The following MAST2 variants were observed in gnomAD, a reference collection of about 807,000 sequenced individuals.
MAST2 encodes the protein microtubule associated serine/threonine kinase 2.
A neutral mutation model predicts 147.4 loss-of-function variants in MAST2; 70 were observed. The observed-to-expected ratio is 0.47, with a 90% CI of 0.39 to 0.58. MAST2 has a LOEUF of 0.58. Ranked by LOEUF, MAST2 falls within the 20% of genes least tolerant of loss-of-function variation. The probability of loss-of-function intolerance (pLI) is 0.00; values close to 1 mark genes in which losing one functional copy is unlikely to be tolerated. For missense variants in MAST2, 2,080 were observed against 2,302.3 expected (o/e 0.90, Z 1.98); for synonymous variants, 869 against 896.8 (o/e 0.97, Z 0.55).
intron 3 of MAST2, among the ~76,000 whole-genome samples, chr1:45,837,256 G>T (rs1645131110): frequency 6.6e-6 from 1 of 152,200 alleles, no homozygotes; most frequent in Admixed American, 6.5e-5. Context: ...AAGTTCGCTT[G>T]TGTCCCTTTG....
chr1:45,997,744 C>T lies in MAST2; in HGVS notation c.613C>T (p.Pro205Ser), dbSNP rs931700267. ...GHTGNSPLDSPRNFSPNAPAH... is the reference protein window; with the variant it reads ...GHTGNSPLDSSRNFSPNAPAH... ...CACAGGTAACAGTCCTTTGGACAGC[C>T]CCCGGAATTTCTCTCCAAATGCACC... Residue 205 changes from proline (P) to serine (S), a missense_variant, in exon 6 of 29, where the codon CCC becomes TCC. Around this residue, in one of 4 missense-constraint regions of MAST2, gnomAD observed 569 missense variants for 642.5 expected, o/e 0.89. Coordinates refer to ENST00000361297, the MANE Select transcript of MAST2 (RefSeq NM_015112.3). 5 of 1,613,964 alleles carry T rather than the reference C, an allele frequency of 3.1e-6. No homozygotes were observed. The African/African-American group carries it at 5.3e-5, about 17-fold the overall frequency.
At chr1:45,976,283 A>G (rs542564917) in intron 5 of MAST2, among the ~76,000 whole-genome samples, 57 of 152,062 alleles carry the variant, frequency 3.7e-4, no homozygotes, top group South Asian at 1.9e-3. Flanking sequence ...GGGGAAAACT[A>G]AATACTCTTT....
chr1:45,996,297 A>T (rs1430515470), intron 5 of MAST2, among the ~76,000 whole-genome samples: 1 of 151,974 alleles, frequency 6.6e-6, no homozygotes, highest in African/African-American at 2.4e-5. Flanking sequence ...CTGACTTTGC[A>T]TGTCAAGAAT....
In MAST2 at chr1:46,006,430, G is replaced by A. The variant is rs1225258461; in HGVS notation, c.902+35G>A. 4 of 1,590,694 alleles carry A rather than the reference G, an allele frequency of 2.5e-6. No individual in the cohort carries two copies. In the African/African-American group the frequency reaches 4.0e-5, roughly 16 times the overall value. Reference sequence around the variant, plus strand: ...CTCTCTGCCCACTGTTCCAGTGCATGTGGATTTCAGCTTGTTTGCATAACA... The same window carrying A: ...CTCTCTGCCCACTGTTCCAGTGCATATGGATTTCAGCTTGTTTGCATAACA... On this transcript the variant is annotated intron_variant, in intron 8 of 28. Coordinates refer to ENST00000361297, the MANE Select transcript of MAST2 (RefSeq NM_015112.3).
At chr1:45,907,054 GTAGGCTATACCA>G (rs1377240353) in intron 4 of MAST2, among the ~76,000 whole-genome samples, 1 of 152,156 alleles carries the variant, frequency 6.6e-6, no homozygotes, top group Non-Finnish European at 1.5e-5. Flanking sequence ...TATGTGTGTG[GTAGGCTATACCA>G]TCTAGGTTTA....
chr1:46,034,917 C>T lies in MAST2; in HGVS notation c.4248C>T (p.Ala1416=), dbSNP rs762803738. 1.7e-5 allele frequency: 27 copies of T among 1,614,168 alleles called. No individual in the cohort carries two copies. The South Asian group carries it at 2.4e-4, about 14-fold the overall frequency. The part of the protein sequence containing the change: ...QSAEKLAAAL[A]ASEKKLATSR... Reference sequence around the variant, plus strand: ...CTGAGAAACTGGCAGCAGCACTTGCCGCCTCTGAGAAGAAGCTAGCCACTT... The same window carrying T: ...CTGAGAAACTGGCAGCAGCACTTGCTGCCTCTGAGAAGAAGCTAGCCACTT... The change falls in exon 29 of 29, where the codon GCC becomes GCT. Residue 1416 remains alanine, a synonymous_variant. Coordinates refer to ENST00000361297, the MANE Select transcript of MAST2 (RefSeq NM_015112.3).
intron 4 of MAST2, among the ~76,000 whole-genome samples, chr1:45,906,898 C>T (rs568564814): frequency 1.4e-3 from 216 of 149,902 alleles, no homozygotes; most frequent in African/African-American, 4.7e-3. Flanking sequence ...CTATCTTTTA[C>T]ATGTATTTTT....
chr1:46,019,509 T>A (rs1646095766), intron 10 of MAST2, 87 bp from the exon 11 acceptor site: 2 of 1,018,640 alleles, frequency 2.0e-6, no homozygotes, highest in African/African-American at 1.6e-5. Context: ...GAATTGTTTC[T>A]CCCTGGAGTC....
intron 10 of MAST2, among the ~76,000 whole-genome samples, chr1:46,013,605 A>G (rs1645806671): frequency 6.6e-6 from 1 of 151,904 alleles, no homozygotes. Context: ...GCTTGAACTC[A>G]GTAGGTGGAG....
intron 3 of MAST2, among the ~76,000 whole-genome samples, chr1:45,835,800 C>G (rs1381781587): frequency 6.6e-6 from 1 of 152,068 alleles, no homozygotes; most frequent in South Asian, 2.1e-4. Context: ...CACTAATCTG[C>G]TTTTTGTCTC....
chr1:45,909,037 C>T (rs1310132205), intron 4 of MAST2, among the ~76,000 whole-genome samples: 2 of 152,120 alleles, frequency 1.3e-5, no homozygotes, highest in East Asian at 3.8e-4. Flanking sequence ...AGGTCCCTGC[C>T]TAAAATCGAA....
intron 2 of MAST2, among the ~76,000 whole-genome samples, chr1:45,826,591 A>C (rs922772236): frequency 1.3e-5 from 2 of 151,828 alleles, no homozygotes; most frequent in Non-Finnish European, 2.9e-5. Context: ...GAGCTCAAGC[A>C]GTCCTTCCTT....
At chr1:45,849,530 CTTT>C (rs71062718) in intron 3 of MAST2, among the ~76,000 whole-genome samples, 10 of 138,614 alleles carry the variant, frequency 7.2e-5, no homozygotes, top group Admixed American at 1.4e-4. Context: ...CCCCTCTTTT[CTTT>C]TTTTTTTTTT....
rs1284048158 is a variant in MAST2 at position 46,002,802 on chromosome 1, C to T, written c.669-3C>T. On this transcript the variant is annotated splice_region_variant and splice_polypyrimidine_tract_variant and intron_variant, in intron 6 of 28. Transcript: ENST00000361297. ...ACTGCCTAATACTTTTTCTTGCATA[C>T]AGGACTGATGGGCGGCGCTGGTCTT... is the stretch of plus-strand genomic sequence containing the variant. 6.2e-6 allele frequency: 10 copies of T among 1,614,050 alleles called. No homozygotes were observed. Among genetic ancestry groups the T allele is most frequent in the East Asian group, 2.2e-5 (1 of 44,886 alleles).
chr1:45,997,629 T>G (rs1013422998), intron 5 of MAST2, 95 bp from the exon 6 acceptor site: 9 of 843,840 alleles, frequency 1.1e-5, no homozygotes, highest in African/African-American at 6.7e-5. Flanking sequence ...AACCATATAA[T>G]TGCCAGTGCT....
At chr1:45,830,152 C>T (rs537818758) in intron 3 of MAST2, among the ~76,000 whole-genome samples, 13 of 147,906 alleles carry the variant, frequency 8.8e-5, no homozygotes, top group East Asian at 2.0e-4. Context: ...CCACCACTCC[C>T]GGCCTTAAGA....
intron 4 of MAST2, among the ~76,000 whole-genome samples, chr1:45,911,543 G>A (rs745328569): frequency 1.2e-4 from 19 of 152,196 alleles, no homozygotes; most frequent in Non-Finnish European, 2.6e-4. Context: ...GGAAACTTGA[G>A]TTAGACTGCT....
At chr1:46,036,115 GGAAACCATCT>G in exon 29 of MAST2, 1 of 1,508,552 alleles carries the variant, frequency 6.6e-7, no homozygotes, top group Non-Finnish European at 8.9e-7. Flanking sequence ...ATATGCTCCT[GGAAACCATCT>G]TTATGTCTTT....
chr1:45,853,433 C>CA (rs1278889775), intron 3 of MAST2, among the ~76,000 whole-genome samples: 1 of 152,028 alleles, frequency 6.6e-6, no homozygotes, highest in Non-Finnish European at 1.5e-5. Flanking sequence ...CGGCTCACGG[C>CA]AACCTCTACC....
Sources: allele counts gnomAD v4.1 joint callset (sites outside exome capture counted in the v4.1 genomes callset), GRCh38; gene constraint gnomAD v4.1.1; regional missense constraint gnomAD v4.1.1; transcripts MANE v1.5; gene names NCBI Gene and HGNC (gene_info 2026-07-23, HGNC 2026-07-21).